Variants in FTO observed in about 807,000 individuals in gnomAD.
The protein encoded by FTO is alpha-ketoglutarate-dependent dioxygenase FTO.
A neutral mutation model predicts 63.9 loss-of-function variants in FTO; 47 were observed. The ratio of observed to expected loss-of-function variants is 0.74; its 90% confidence interval spans 0.58 to 0.94. FTO has a LOEUF of 0.94. Among genes scored for constraint, FTO ranks in the 40% least tolerant of loss-of-function variants. The probability of loss-of-function intolerance (pLI) is 0.00; values close to 1 mark genes in which losing one functional copy is unlikely to be tolerated. For missense variants in FTO, 562 were observed against 618.1 expected (o/e 0.91, Z 0.96); for synonymous variants, 207 against 224.4 (o/e 0.92, Z 0.69).
intron 7 of FTO, among the ~76,000 whole-genome samples, chr16:53,928,264 A>G (rs1027548060): frequency 1.3e-5 from 2 of 152,176 alleles, no homozygotes; most frequent in Non-Finnish European, 2.9e-5. Flanking sequence ...ATGAAATGAA[A>G]TTTAGCCACC....
chr16:53,729,453 A>T (rs2076222876), intron 1 of FTO, among the ~76,000 whole-genome samples: 1 of 151,606 alleles, frequency 6.6e-6, no homozygotes, highest in Non-Finnish European at 1.5e-5. Context: ...TGGGAGGTGG[A>T]GATCTCGCCA....
intron 8 of FTO, among the ~76,000 whole-genome samples, chr16:54,003,538 T>C (rs889861356): frequency 6.6e-6 from 1 of 152,186 alleles, no homozygotes; most frequent in African/African-American, 2.4e-5. Flanking sequence ...TTATTTTTTA[T>C]AGAGACAGGG....
At chr16:53,860,070 A>G (rs2080126266) in intron 4 of FTO, among the ~76,000 whole-genome samples, 2 of 152,128 alleles carry the variant, frequency 1.3e-5, no homozygotes. Context: ...AATAAAGAAA[A>G]TGCAGTAGGT....
At chr16:53,960,022 G>A (rs1224724822) in intron 8 of FTO, among the ~76,000 whole-genome samples, 1 of 152,132 alleles carries the variant, frequency 6.6e-6, no homozygotes, top group Non-Finnish European at 1.5e-5. Flanking sequence ...TGAAAATGAG[G>A]AGTCAACAGT....
At position 54,013,230 on chromosome 16, in the gene FTO, T is replaced by C. The variant is rs190637326; in HGVS notation, c.1364+79121T>C. The C allele has an allele frequency of 8.0e-3, 1,285 of 161,448 alleles. 19 individuals carry two copies. The highest frequency in any genetic ancestry group is 0.021 in the Middle Eastern group (7 of 338). The allele number at this position is 161,448 out of a possible 1,614,324, so 10.0% of individuals were successfully genotyped here. On this transcript the variant is annotated intron_variant, in intron 8 of 8. Transcript: ENST00000471389. ...TTAAGACTTCAGTGGAGGAAGTTAC[T>C]GCAGATGCGGTGGAAATAGCAAAAG...
chr16:53,979,089 A>G (rs2083487001), intron 8 of FTO, among the ~76,000 whole-genome samples: 1 of 152,204 alleles, frequency 6.6e-6, no homozygotes, highest in Admixed American at 6.5e-5. Flanking sequence ...TAAAATCGTT[A>G]TACTCTTTTT....
chr16:53,970,492 A>T lies in FTO; in HGVS notation c.1364+36383A>T, dbSNP rs143810075. Among the ~76,000 whole-genome samples the T allele has an allele frequency of 7.1e-3, 1,065 of 150,492 alleles. 4 individuals are homozygous for T. Among genetic ancestry groups the T allele is most frequent in the Non-Finnish European group, 9.4e-3 (637 of 67,702 alleles). On this transcript the variant is annotated intron_variant, in intron 8 of 8. Transcript: ENST00000471389. The stretch of plus-strand genomic sequence containing the variant: ...ATAATCCCAACTACTCGGGAGGCTG[A>T]GGCAGGGAGAATTGCTTGAACCTGT...
chr16:53,895,994 G>A (rs1022091671), intron 7 of FTO, among the ~76,000 whole-genome samples: 3 of 152,068 alleles, frequency 2.0e-5, no homozygotes, highest in African/African-American at 7.2e-5. Flanking sequence ...ATATACACAC[G>A]CACATGTGCA....
At chr16:54,041,998 C>T (rs559970327) in intron 8 of FTO, among the ~76,000 whole-genome samples, 2 of 152,172 alleles carry the variant, frequency 1.3e-5, no homozygotes, top group African/African-American at 2.4e-5. Context: ...TTGTGACCTT[C>T]GGTTTCTAAA....
intron 8 of FTO, among the ~76,000 whole-genome samples, chr16:54,020,864 T>G (rs1320490025): frequency 6.6e-6 from 1 of 152,092 alleles, no homozygotes; most frequent in Non-Finnish European, 1.5e-5. Flanking sequence ...CCCAGCTACT[T>G]GGGAGGCTGA....
chr16:53,728,009 AGGTGGGAGG>A (rs1399002541), intron 1 of FTO, among the ~76,000 whole-genome samples: 2 of 151,840 alleles, frequency 1.3e-5, no homozygotes, highest in African/African-American at 2.4e-5. Context: ...TGGGGGGCTG[AGGTGGGAGG>A]ATTTGAGGCT....
chr16:53,784,812 G>A (rs3751814), intron 1 of FTO, among the ~76,000 whole-genome samples: 62,009 of 151,940 alleles, frequency 0.41, 13,082 homozygotes, highest in African/African-American at 0.48. Context: ...TTCAGATATT[G>A]CAGATATGTT....
At chr16:53,766,310 T>C (rs2077200272) in intron 1 of FTO, among the ~76,000 whole-genome samples, 1 of 152,116 alleles carries the variant, frequency 6.6e-6, no homozygotes, top group African/African-American at 2.4e-5. Context: ...ACTGCAGCCT[T>C]GACCTCCCAG....
At chr16:53,790,513 T>C (rs140179749) in intron 1 of FTO, among the ~76,000 whole-genome samples, 222 of 147,750 alleles carry the variant, frequency 1.5e-3, no homozygotes, top group African/African-American at 5.4e-3. Flanking sequence ...GCCTAGGAGT[T>C]TGAGACCAGC....
At chr16:54,007,226 C>T (rs917938190) in intron 8 of FTO, among the ~76,000 whole-genome samples, 5 of 151,898 alleles carry the variant, frequency 3.3e-5, no homozygotes, top group Admixed American at 1.3e-4. Context: ...TTAATGGGTG[C>T]GGCACACCAG....
chr16:53,820,603 A>G (rs1194053433), intron 2 of FTO, among the ~76,000 whole-genome samples: 6 of 151,638 alleles, frequency 4.0e-5, no homozygotes, highest in African/African-American at 1.5e-4. Flanking sequence ...AGCTTTAGGT[A>G]TATCTCCTGA....
At chr16:53,933,723 G>A (rs895611885) in intron 7 of FTO, among the ~76,000 whole-genome samples, 2 of 152,176 alleles carry the variant, frequency 1.3e-5, no homozygotes, top group Non-Finnish European at 2.9e-5. Flanking sequence ...TTGGTGTGCT[G>A]AGAAAATTAG....
chr16:53,859,308 A>G (rs535909180), intron 4 of FTO, among the ~76,000 whole-genome samples: 4 of 152,006 alleles, frequency 2.6e-5, no homozygotes, highest in African/African-American at 9.6e-5. Context: ...ATCCTATCTC[A>G]TATCCAATTT....
intron 7 of FTO, among the ~76,000 whole-genome samples, chr16:53,929,545 T>A (rs549042859): frequency 6.6e-6 from 1 of 152,370 alleles, no homozygotes; most frequent in Admixed American, 6.5e-5. Context: ...ATCATTTTTT[T>A]AGATAAATCC....
Sources: gnomAD v4.1 joint callset for allele counts (sites outside exome capture counted in the v4.1 genomes callset) on GRCh38, gnomAD v4.1.1 for gene constraint, MANE v1.5 for transcripts, NCBI Gene and HGNC (gene_info 2026-07-23, HGNC 2026-07-21) for gene names.